The following RBBP8 variants were observed in gnomAD, a reference collection of about 807,000 sequenced individuals.
RBBP8 encodes DNA endonuclease RBBP8.
Under a neutral mutation model 108.3 loss-of-function variants are expected in RBBP8, and 88 were observed. That is an observed-to-expected ratio of 0.81 (90% CI 0.68 to 0.97). RBBP8 has a LOEUF of 0.97. Ranked by LOEUF, RBBP8 falls within the 50% of genes least tolerant of loss-of-function variation. The pLI, the probability that RBBP8 is intolerant of heterozygous loss-of-function variation, is 0.00. For synonymous variants in RBBP8, 332 were observed against 348.2 expected, an observed-to-expected ratio of 0.95 and a Z score of 0.52; for missense variants, 1,023 against 1,049.0, an observed-to-expected ratio of 0.98 and a Z score of 0.34.
At chr18:23,021,997 A>G (rs919048375) in intron 17 of RBBP8, 132 bp from the exon 18 acceptor site, 7 of 730,974 alleles carry the variant, frequency 9.6e-6, no homozygotes, top group Non-Finnish European at 4.8e-6. Flanking sequence ...AGTATCATCA[A>G]TGAGGATTAA....
At chr18:22,985,765 G>A (rs189188003) in intron 8 of RBBP8, among the ~76,000 whole-genome samples, 1 of 152,084 alleles carries the variant, frequency 6.6e-6, no homozygotes, top group Non-Finnish European at 1.5e-5. Flanking sequence ...GAGTAGATGT[G>A]AGTTAGAATT....
At chr18:23,018,136 C>A (rs938555580) in intron 17 of RBBP8, among the ~76,000 whole-genome samples, 1 of 152,090 alleles carries the variant, frequency 6.6e-6, no homozygotes, top group Non-Finnish European at 1.5e-5. Context: ...ACCACAACCT[C>A]CATTTCCCGG....
chr18:22,953,001 A>G (rs1912175070), intron 4 of RBBP8, among the ~76,000 whole-genome samples: 1 of 152,234 alleles, frequency 6.6e-6, no homozygotes, highest in Non-Finnish European at 1.5e-5. Flanking sequence ...GAAATATGTT[A>G]GCCTGAGTTC....
chr18:22,967,645 A>ATTTTTTT (rs1410826642), intron 4 of RBBP8, among the ~76,000 whole-genome samples: 2 of 131,502 alleles, frequency 1.5e-5, no homozygotes, highest in Non-Finnish European at 1.6e-5. Context: ...GCTATTTCGT[A>ATTTTTTT]TTTTTTTTTT....
At position 22,965,103 on chromosome 18, in the gene RBBP8, T is replaced by G. The variant is rs185925891; in HGVS notation, c.249-3703T>G. ...CCTATCAATGATGTTAAGTGAAGGC[T>G]TACTGTATTCTTCATAATTTGATGA... On this transcript the variant is annotated intron_variant, in intron 4 of 18. Coordinates refer to ENST00000327155, the MANE Select transcript of RBBP8 (RefSeq NM_002894.3). Among the ~76,000 whole-genome samples, 46 of 152,290 alleles carry G rather than the reference T, an allele frequency of 3.0e-4. No homozygotes were observed. The East Asian group carries it at 7.3e-3, about 24-fold the overall frequency.
rs184903417 is a variant in RBBP8, at chr18:23,018,870, T to A, written c.2454+1946T>A. Among the ~76,000 whole-genome samples the A allele has an allele frequency of 2.6e-5, 4 of 152,352 alleles. No homozygotes were observed. The East Asian group carries it at 7.7e-4, about 29-fold the overall frequency. ...TTTTTATTTCTTCCCTTGTTGTCCA[T>A]TAGCTCTCAGATGCCTGCCCTCAGC... On this transcript the variant is annotated intron_variant, in intron 17 of 18. Transcript: ENST00000327155.
chr18:23,001,844 C>G (rs985755253), intron 15 of RBBP8, 115 bp downstream of exon 15: 2 of 1,367,976 alleles, frequency 1.5e-6, no homozygotes, highest in African/African-American at 2.9e-5. Flanking sequence ...TTTCATATTT[C>G]TTGTATAAAT....
intron 2 of RBBP8, among the ~76,000 whole-genome samples, chr18:22,939,912 T>C (rs1438056264): frequency 1.3e-5 from 2 of 152,038 alleles, no homozygotes; most frequent in African/African-American, 4.8e-5. Context: ...GCAAGGAAGA[T>C]GGTGGAAGGG....
chr18:22,936,033 T>C (rs1910546501), intron 1 of RBBP8, among the ~76,000 whole-genome samples: 1 of 152,206 alleles, frequency 6.6e-6, no homozygotes, highest in East Asian at 1.9e-4. Flanking sequence ...TGTGGATGCT[T>C]GTTAAGTCAA....
chr18:22,998,212 G>C (rs1278657211), intron 14 of RBBP8, among the ~76,000 whole-genome samples: 1 of 152,136 alleles, frequency 6.6e-6, no homozygotes. Context: ...TCCTGTGTTA[G>C]AATTAACGTT....
chr18:22,937,213 C>T (rs933687766), intron 2 of RBBP8: 1 of 534,966 alleles, frequency 1.9e-6, no homozygotes, highest in African/African-American at 1.9e-5. Flanking sequence ...CCCCCCTGAC[C>T]CTCCACCCTC....
At chr18:23,006,187 GAA>G (rs774964524) in intron 15 of RBBP8, among the ~76,000 whole-genome samples, 174 bp from the exon 16 acceptor site, 1 of 137,258 alleles carries the variant, frequency 7.3e-6, no homozygotes. Flanking sequence ...CACCGGCTCA[GAA>G]AAAAAAAAAA....
intron 4 of RBBP8, among the ~76,000 whole-genome samples, chr18:22,951,817 T>G (rs931155159): frequency 6.6e-6 from 1 of 152,196 alleles, no homozygotes; most frequent in Admixed American, 6.5e-5. Context: ...ATTTATCAGT[T>G]TATTACAAAA....
chr18:22,938,329 T>A (rs1189819105), intron 2 of RBBP8, among the ~76,000 whole-genome samples: 1 of 151,908 alleles, frequency 6.6e-6, no homozygotes, highest in Non-Finnish European at 1.5e-5. Flanking sequence ...TTTAAACTTA[T>A]CCTTCACCTT....
At chr18:22,975,114 A>G (rs1914407229) in intron 5 of RBBP8, 39 bp from the exon 6 acceptor site, 1 of 1,566,504 alleles carries the variant, frequency 6.4e-7, no homozygotes, top group Admixed American at 1.7e-5. Flanking sequence ...ATGTTAATAT[A>G]AATATATTAT....
At chr18:22,958,444 A>C (rs925404574) in intron 4 of RBBP8, among the ~76,000 whole-genome samples, 1 of 152,190 alleles carries the variant, frequency 6.6e-6, no homozygotes, top group African/African-American at 2.4e-5. Flanking sequence ...TTTTTCTAGA[A>C]TTTCTCACTA....
chr18:23,009,432 C>G (rs2046117155), intron 16 of RBBP8, among the ~76,000 whole-genome samples: 1 of 151,094 alleles, frequency 6.6e-6, no homozygotes, highest in African/African-American at 2.4e-5. Flanking sequence ...ATGCCACCAA[C>G]TCAGTACCTT....
intron 4 of RBBP8, among the ~76,000 whole-genome samples, chr18:22,952,847 G>A (rs1397461150): frequency 6.6e-6 from 1 of 152,106 alleles, no homozygotes; most frequent in Non-Finnish European, 1.5e-5. Flanking sequence ...ATTTCACCAC[G>A]TTTTTTCTCT....
intron 10 of RBBP8, among the ~76,000 whole-genome samples, chr18:22,992,404 C>T (rs1292119127): frequency 6.6e-6 from 1 of 152,156 alleles, no homozygotes; most frequent in Non-Finnish European, 1.5e-5. Context: ...CCATGTTAGC[C>T]AGGCTGGCCT....
Sources: gnomAD v4.1 joint callset for allele counts (sites outside exome capture counted in the v4.1 genomes callset) on GRCh38, gnomAD v4.1.1 for gene constraint, MANE v1.5 for transcripts, NCBI Gene and HGNC (gene_info 2026-07-23, HGNC 2026-07-21) for gene names.